Variants in MGLL observed in about 807,000 individuals in gnomAD.
MGLL encodes lysophospholipase homolog.
A neutral mutation model predicts 29.1 loss-of-function variants in MGLL; 7 were observed. The ratio of observed to expected loss-of-function variants is 0.24; its 90% CI spans 0.14 to 0.45. The LOEUF (loss-of-function observed/expected upper bound fraction) is 0.45. Ranked by LOEUF, MGLL falls within the 20% of genes least tolerant of loss-of-function variation. The pLI is 0.99. For missense variants in MGLL, 356 were observed against 413.6 expected, an observed-to-expected ratio of 0.86 and a Z score of 1.21; for synonymous variants, 148 against 168.3, an observed-to-expected ratio of 0.88 and a Z score of 0.93.
chr3:127,730,896 G>A (rs1212692786), intron 3 of MGLL, among the ~76,000 whole-genome samples: 1 of 152,212 alleles, frequency 6.6e-6, no homozygotes, highest in Admixed American at 6.5e-5. Flanking sequence ...CCGTGCATGT[G>A]CCCATGTCTG....
intron 3 of MGLL, among the ~76,000 whole-genome samples, chr3:127,758,217 C>G (rs960288785): frequency 1.3e-5 from 2 of 152,214 alleles, no homozygotes; most frequent in Non-Finnish European, 2.9e-5. Context: ...GTGGAGCCAG[C>G]AGCTTGAGCA....
At chr3:127,748,354 G>A (rs1182235724) in intron 3 of MGLL, among the ~76,000 whole-genome samples, 1 of 151,754 alleles carries the variant, frequency 6.6e-6, no homozygotes, top group Non-Finnish European at 1.5e-5. Context: ...GAGAGAGAGA[G>A]ACCACACAAC....
At chr3:127,734,218 A>G (rs776376370) in intron 3 of MGLL, among the ~76,000 whole-genome samples, 1 of 152,212 alleles carries the variant, frequency 6.6e-6, no homozygotes, top group Non-Finnish European at 1.5e-5. Flanking sequence ...AAGACGCAAC[A>G]TGTGTTACCC....
At chr3:127,726,320 G>A (rs1199287222) in intron 3 of MGLL, among the ~76,000 whole-genome samples, 2 of 147,286 alleles carry the variant, frequency 1.4e-5, no homozygotes, top group Admixed American at 1.3e-4. Flanking sequence ...GAGAAAGAAA[G>A]AGAAAGAAAG....
At chr3:127,694,621 G>A (rs575962904) in intron 7 of MGLL, among the ~76,000 whole-genome samples, 50 of 152,198 alleles carry the variant, frequency 3.3e-4, no homozygotes, top group East Asian at 5.8e-4. Flanking sequence ...TGGTGCAGAG[G>A]GAGGCTTGGG....
intron 2 of MGLL, among the ~76,000 whole-genome samples, chr3:127,804,601 G>C (rs1393114589): frequency 6.6e-6 from 1 of 152,224 alleles, no homozygotes; most frequent in African/African-American, 2.4e-5. Flanking sequence ...TTGTCCTGGA[G>C]TGGTCAGTAG....
At chr3:127,788,691 C>T (rs2077254848) in intron 2 of MGLL, among the ~76,000 whole-genome samples, 1 of 152,216 alleles carries the variant, frequency 6.6e-6, no homozygotes, top group Non-Finnish European at 1.5e-5. Context: ...CCACGCTTCC[C>T]CAACACTGAG....
chr3:127,714,774 A>G (rs1431591351), intron 5 of MGLL, among the ~76,000 whole-genome samples: 3 of 152,186 alleles, frequency 2.0e-5, no homozygotes, highest in South Asian at 2.1e-4. Context: ...TGGATACACC[A>G]TTCACAGGAA....
intron 3 of MGLL, among the ~76,000 whole-genome samples, chr3:127,750,049 C>A (rs1430235491): frequency 2.0e-5 from 3 of 152,048 alleles, no homozygotes; most frequent in African/African-American, 7.2e-5. Context: ...GGGACTTTGA[C>A]TTTTACCCCG....
At chr3:127,722,669 G>A in intron 3 of MGLL, 103 bp from the exon 4 acceptor site, 1 of 1,494,116 alleles carries the variant, frequency 6.7e-7, no homozygotes, top group Admixed American at 1.8e-5. Flanking sequence ...CTGAGCGCCT[G>A]AATGTGTCAC....
chr3:127,819,897 G>A (rs1457133813), intron 2 of MGLL, among the ~76,000 whole-genome samples: 3 of 152,032 alleles, frequency 2.0e-5, no homozygotes, highest in Non-Finnish European at 2.9e-5. Flanking sequence ...GTTAACATGA[G>A]TCATGGCAAG....
At chr3:127,758,136 C>G (rs557221359) in intron 3 of MGLL, among the ~76,000 whole-genome samples, 16 of 152,320 alleles carry the variant, frequency 1.1e-4, no homozygotes, top group Non-Finnish European at 1.8e-4. Flanking sequence ...CTGGCCACCC[C>G]CTTTTCCCCT....
chr3:127,705,758 G>A (rs1317351605), intron 6 of MGLL, among the ~76,000 whole-genome samples: 1 of 139,108 alleles, frequency 7.2e-6, no homozygotes, highest in Non-Finnish European at 1.5e-5. Flanking sequence ...CCTGGGCGAC[G>A]AGAGAGAAAC....
chr3:127,749,893 C>T (rs1327514236), intron 3 of MGLL, among the ~76,000 whole-genome samples: 1 of 152,164 alleles, frequency 6.6e-6, no homozygotes, highest in Admixed American at 6.5e-5. Flanking sequence ...ATTCAGACAT[C>T]TGGGGACACA....
chr3:127,704,315 C>T (rs1025731501), intron 6 of MGLL, among the ~76,000 whole-genome samples: 5 of 152,110 alleles, frequency 3.3e-5, no homozygotes, highest in Non-Finnish European at 5.9e-5. Context: ...GACTTAGGCA[C>T]GGGCAAAGAT....
intron 4 of MGLL, 115 bp from the exon 5 acceptor site, chr3:127,721,278 G>A: frequency 1.2e-6 from 1 of 835,260 alleles, no homozygotes; most frequent in Non-Finnish European, 2.0e-6. Flanking sequence ...GAGCCCTGAG[G>A]AGGACTACCT....
intron 2 of MGLL, among the ~76,000 whole-genome samples, chr3:127,786,665 C>A (rs181724545): frequency 1.5e-4 from 23 of 152,378 alleles, no homozygotes; most frequent in African/African-American, 5.3e-4. Context: ...ACGAATGCCC[C>A]TTTTATGCCT....
intron 2 of MGLL, among the ~76,000 whole-genome samples, chr3:127,797,315 T>C (rs1033101873): frequency 6.6e-6 from 1 of 151,566 alleles, no homozygotes; most frequent in African/African-American, 2.4e-5. Context: ...CCTGGCTTTT[T>C]GCAGGCAAAA....
At chr3:127,716,592 G>A (rs898726374) in intron 5 of MGLL, among the ~76,000 whole-genome samples, 3 of 152,246 alleles carry the variant, frequency 2.0e-5, no homozygotes, top group African/African-American at 4.8e-5. Flanking sequence ...GCACCATCAC[G>A]CCTGTCACTT....
Sources: allele counts gnomAD v4.1 joint callset (sites outside exome capture counted in the v4.1 genomes callset), GRCh38; gene constraint gnomAD v4.1.1; transcripts MANE v1.5; gene names NCBI Gene and HGNC (gene_info 2026-07-23, HGNC 2026-07-21).